Variants in FHIT observed in about 807,000 individuals in gnomAD.
The protein encoded by FHIT is fragile histidine triad diadenosine triphosphatase, also known as bis(5'-adenosyl)-triphosphatase.
In FHIT, 19 loss-of-function variants were observed where a neutral mutation model predicts 17.9. The ratio of observed to expected loss-of-function variants is 1.06; its 90% confidence interval spans 0.74 to 1.56. FHIT has a LOEUF of 1.56. Among genes scored for constraint, FHIT ranks in the 40% most tolerant of loss-of-function variants. FHIT has a pLI of 0.00. For missense variants in FHIT, 248 were observed against 189.2 expected, an observed-to-expected ratio of 1.31 and a Z score of -1.82; for synonymous variants, 81 against 69.7, an observed-to-expected ratio of 1.16 and a Z score of -0.81.
chr3:60,446,800 C>T (rs748028558), intron 5 of FHIT, among the ~76,000 whole-genome samples: 13 of 151,314 alleles, frequency 8.6e-5, no homozygotes, highest in Non-Finnish European at 1.6e-4. Flanking sequence ...TTGCAGTGAG[C>T]TATGATCATT....
At chr3:59,783,165 C>T (rs1415735512) in intron 8 of FHIT, among the ~76,000 whole-genome samples, 1 of 152,098 alleles carries the variant, frequency 6.6e-6, no homozygotes, top group East Asian at 1.9e-4. Context: ...TCTAATAGTA[C>T]ACAGGTTATT....
intron 7 of FHIT, among the ~76,000 whole-genome samples, chr3:59,982,512 T>C (rs62240117): frequency 0.094 from 14,346 of 152,232 alleles, 931 homozygotes; most frequent in South Asian, 0.18. Flanking sequence ...CTAACTGTGA[T>C]CACTTTTTGG....
intron 4 of FHIT, among the ~76,000 whole-genome samples, chr3:60,738,705 CAT>C (rs1553713207): frequency 6.6e-6 from 1 of 152,188 alleles, no homozygotes; most frequent in Admixed American, 6.5e-5. Flanking sequence ...ATAATAAACA[CAT>C]GTGAAATGAA....
intron 5 of FHIT, among the ~76,000 whole-genome samples, chr3:60,310,383 G>T (rs557921428): frequency 6.6e-6 from 1 of 152,280 alleles, no homozygotes; most frequent in South Asian, 2.1e-4. Context: ...GGGGCAAGAA[G>T]TAGAACAAGA....
chr3:61,086,963 T>A (rs2035324940), intron 2 of FHIT, among the ~76,000 whole-genome samples: 1 of 152,092 alleles, frequency 6.6e-6, no homozygotes, highest in South Asian at 2.1e-4. Context: ...TCCCACCATA[T>A]GTATCTACTT....
At chr3:61,242,868 T>A (rs1431768689) in intron 1 of FHIT, among the ~76,000 whole-genome samples, 2 of 152,172 alleles carry the variant, frequency 1.3e-5, no homozygotes, top group East Asian at 3.9e-4. Context: ...ATCCATCTAG[T>A]GCAAGGTTGG....
chr3:60,139,749 G>A (rs186156282), intron 5 of FHIT, among the ~76,000 whole-genome samples: 2 of 151,862 alleles, frequency 1.3e-5, no homozygotes, highest in East Asian at 3.9e-4. Context: ...ACGTCCCGAG[G>A]TTCCTTCCAC....
intron 3 of FHIT, among the ~76,000 whole-genome samples, chr3:60,991,253 G>A (rs372873776): frequency 5.9e-5 from 9 of 152,288 alleles, no homozygotes; most frequent in East Asian, 5.8e-4. Flanking sequence ...GGGACAAGCC[G>A]GGCTTGTTCA....
intron 5 of FHIT, among the ~76,000 whole-genome samples, chr3:60,143,602 T>C (rs1011033361): frequency 3.3e-5 from 5 of 152,166 alleles, no homozygotes; most frequent in African/African-American, 1.2e-4. Flanking sequence ...AGTTTTGGGA[T>C]AATTTGTTAT....
At chr3:61,063,988 C>T (rs2034518481) in intron 2 of FHIT, among the ~76,000 whole-genome samples, 1 of 152,270 alleles carries the variant, frequency 6.6e-6, no homozygotes, top group East Asian at 1.9e-4. Context: ...GTCCTTCATC[C>T]TTGCTAACAT....
chr3:60,398,114 A>G (rs188328657), intron 5 of FHIT, among the ~76,000 whole-genome samples: 35 of 152,246 alleles, frequency 2.3e-4, no homozygotes, highest in African/African-American at 8.2e-4. Flanking sequence ...TGGTTGTGAG[A>G]CAAGAACTCG....
At chr3:59,968,882 A>T (rs1009151955) in intron 7 of FHIT, among the ~76,000 whole-genome samples, 2 of 152,204 alleles carry the variant, frequency 1.3e-5, no homozygotes, top group Non-Finnish European at 2.9e-5. Flanking sequence ...AGCCTTTCAG[A>T]TGCCAATGCA....
At chr3:59,988,827 G>C (rs2687895) in intron 7 of FHIT, among the ~76,000 whole-genome samples, 17,589 of 152,086 alleles carry the variant, frequency 0.12, 1,126 homozygotes, top group African/African-American at 0.16. Flanking sequence ...CCAAGATAGG[G>C]GAATGCAGTT....
chr3:60,462,599 A>C (rs571633403), intron 5 of FHIT, among the ~76,000 whole-genome samples: 1 of 152,274 alleles, frequency 6.6e-6, no homozygotes, highest in South Asian at 2.1e-4. Flanking sequence ...AAGAGCATCG[A>C]GGTAGGAGCA....
At chr3:60,229,373 T>G (rs1165020564) in intron 5 of FHIT, among the ~76,000 whole-genome samples, 1 of 149,166 alleles carries the variant, frequency 6.7e-6, no homozygotes, top group Non-Finnish European at 1.5e-5. Context: ...GCTGAGCTCC[T>G]GCCACTGTAC....
intron 3 of FHIT, among the ~76,000 whole-genome samples, chr3:61,017,535 C>T (rs1010731422): frequency 1.3e-5 from 2 of 152,124 alleles, no homozygotes; most frequent in African/African-American, 4.8e-5. Flanking sequence ...TCTAGGAATC[C>T]GATGTATCAT....
intron 2 of FHIT, among the ~76,000 whole-genome samples, chr3:61,105,552 TA>T (rs2035965681): frequency 6.6e-6 from 1 of 152,076 alleles, no homozygotes; most frequent in African/African-American, 2.4e-5. Flanking sequence ...GTGACTTTTT[TA>T]AATTAAAATA....
intron 5 of FHIT, among the ~76,000 whole-genome samples, chr3:60,516,703 A>G (rs544203722): frequency 6.6e-6 from 1 of 152,356 alleles, no homozygotes; most frequent in Non-Finnish European, 1.5e-5. Context: ...GAACAATCTC[A>G]GAGCATAAAT....
intron 2 of FHIT, among the ~76,000 whole-genome samples, chr3:61,094,032 T>C (rs1162189849): frequency 6.6e-6 from 1 of 152,128 alleles, no homozygotes; most frequent in Non-Finnish European, 1.5e-5. Context: ...CCCTGTAGGT[T>C]AGGTGTCCTC....
Sources: allele counts gnomAD v4.1 joint callset (sites outside exome capture counted in the v4.1 genomes callset), GRCh38; gene constraint gnomAD v4.1.1; transcripts MANE v1.5; gene names NCBI Gene and HGNC (gene_info 2026-07-23, HGNC 2026-07-21).